KCNIP4: variants seen among roughly 807,000 people sequenced by gnomAD.
KCNIP4 encodes Kv channel-interacting protein 4.
In KCNIP4, 12 loss-of-function variants were observed where a neutral mutation model predicts 34.0. The observed-to-expected ratio is 0.35, with a 90% CI of 0.23 to 0.57. The LOEUF (loss-of-function observed/expected upper bound fraction) is 0.57, where lower values mean the gene tolerates loss of function less well. KCNIP4 is among the 20% of genes least tolerant of loss of function. The probability of loss-of-function intolerance (pLI) is 0.83; values close to 1 mark genes in which losing one functional copy is unlikely to be tolerated. For missense variants in KCNIP4, 238 were observed against 311.7 expected (o/e 0.76, Z 1.78); for synonymous variants, 124 against 102.2 (o/e 1.21, Z -1.29).
At chr4:21,743,854 G>A (rs957319947) in intron 1 of KCNIP4, among the ~76,000 whole-genome samples, 5 of 149,620 alleles carry the variant, frequency 3.3e-5, no homozygotes, top group African/African-American at 5.0e-5. Context: ...GAGAAATTAT[G>A]CTCTTCATCC....
intron 1 of KCNIP4, among the ~76,000 whole-genome samples, chr4:21,203,371 G>A (rs1756629351): frequency 6.6e-6 from 1 of 151,676 alleles, no homozygotes; most frequent in South Asian, 2.1e-4. Context: ...CAACAAATGA[G>A]ATCATTACAG....
intron 1 of KCNIP4, among the ~76,000 whole-genome samples, chr4:21,485,176 G>A (rs925236518): frequency 6.6e-6 from 1 of 152,206 alleles, no homozygotes; most frequent in African/African-American, 2.4e-5. Flanking sequence ...AAACATTATA[G>A]ATAAATACTG....
At chr4:21,636,422 A>T (rs1329952756) in intron 1 of KCNIP4, among the ~76,000 whole-genome samples, 1 of 152,206 alleles carries the variant, frequency 6.6e-6, no homozygotes, top group Non-Finnish European at 1.5e-5. Context: ...AAATCTTGAA[A>T]GAAATGACTT....
chr4:20,983,982 A>C (rs1409437101), intron 1 of KCNIP4: 4 of 1,526,444 alleles, frequency 2.6e-6, no homozygotes, highest in Non-Finnish European at 2.6e-6. Context: ...GAGGGAGTTA[A>C]TTACAGAATC....
chr4:21,326,501 A>T (rs1715073824), intron 1 of KCNIP4, among the ~76,000 whole-genome samples: 1 of 151,114 alleles, frequency 6.6e-6, no homozygotes. Flanking sequence ...TTTACAGGTG[A>T]AGTGTGTATC....
chr4:21,701,745 C>A (rs995522695), intron 1 of KCNIP4, among the ~76,000 whole-genome samples: 6 of 152,004 alleles, frequency 3.9e-5, no homozygotes, highest in African/African-American at 1.4e-4. Flanking sequence ...CACTCTGACA[C>A]CCTGGCTGAG....
chr4:20,782,388 TA>T (rs1756951606), intron 3 of KCNIP4, among the ~76,000 whole-genome samples: 1 of 152,216 alleles, frequency 6.6e-6, no homozygotes, highest in Non-Finnish European at 1.5e-5. Context: ...TGCACTGCCC[TA>T]GTAGATGTTC....
At chr4:21,070,162 T>C (rs756982573) in intron 1 of KCNIP4, among the ~76,000 whole-genome samples, 1 of 152,186 alleles carries the variant, frequency 6.6e-6, no homozygotes, top group Non-Finnish European at 1.5e-5. Context: ...GTTGTGTGTA[T>C]CAATAGTTTG....
Position 20,888,299 on chromosome 4 carries a change from A to C in KCNIP4, c.62-5590T>G, listed in dbSNP as rs142205571. On this transcript the variant is annotated intron_variant, in intron 1 of 8. Coordinates refer to ENST00000382152, the MANE Select transcript of KCNIP4 (RefSeq NM_025221.6). ...CATTACTGAATTCCCAGTATGTTGC[A>C]CAGTGCTTAGTATATAAAATGTTCA... Among the ~76,000 whole-genome samples the C allele has an allele frequency of 7.2e-3, 1,097 of 152,252 alleles. 10 individuals are homozygous for C. Among genetic ancestry groups the C allele is most frequent in the African/African-American group, 0.025 (1,038 of 41,562 alleles).
At chr4:21,544,041 T>C (rs966093485) in intron 1 of KCNIP4, among the ~76,000 whole-genome samples, 5 of 152,172 alleles carry the variant, frequency 3.3e-5, no homozygotes, top group Non-Finnish European at 7.4e-5. Context: ...TCTGCCTATA[T>C]AAGCAAGACC....
At chr4:21,512,338 A>G (rs933560694) in intron 1 of KCNIP4, among the ~76,000 whole-genome samples, 1 of 152,180 alleles carries the variant, frequency 6.6e-6, no homozygotes, top group African/African-American at 2.4e-5. Flanking sequence ...ATCCTATTGA[A>G]ATACTATTAC....
intron 1 of KCNIP4, among the ~76,000 whole-genome samples, chr4:20,963,768 A>G (rs1021949599): frequency 6.6e-6 from 1 of 152,126 alleles, no homozygotes; most frequent in Non-Finnish European, 1.5e-5. Context: ...TGGTGATTTC[A>G]GGGGAGGCGA....
At chr4:21,504,977 A>G (rs1733709254) in intron 1 of KCNIP4, among the ~76,000 whole-genome samples, 1 of 152,178 alleles carries the variant, frequency 6.6e-6, no homozygotes, top group Admixed American at 6.5e-5. Context: ...CACTATAGTA[A>G]CAAGTAATAA....
In KCNIP4 at chr4:20,741,127, C is replaced by CT. The variant is rs535180020; in HGVS notation, c.430-6393dup. ...ACTCCCACACAATAATAATGGGAGG[C>CT]TTTAACACCCCACTGTCAGCATTAC... On this transcript the variant is annotated intron_variant, in intron 5 of 8. Transcript: ENST00000382152. Among the ~76,000 whole-genome samples, 354 of 152,250 alleles carry CT rather than the reference C, an allele frequency of 2.3e-3. 8 individuals carry two copies. In the South Asian group the frequency reaches 0.046, roughly 20 times the overall value.
At chr4:21,303,410 T>C (rs1310583648) in intron 1 of KCNIP4, among the ~76,000 whole-genome samples, 2 of 152,210 alleles carry the variant, frequency 1.3e-5, no homozygotes, top group Non-Finnish European at 2.9e-5. Flanking sequence ...TGTATTTGCA[T>C]AGCAAGAAAT....
intron 1 of KCNIP4, among the ~76,000 whole-genome samples, chr4:21,030,916 G>T (rs950894738): frequency 6.6e-6 from 1 of 152,160 alleles, no homozygotes; most frequent in Non-Finnish European, 1.5e-5. Context: ...CACTCTGGAA[G>T]CCATGAAAGA....
chr4:21,239,874 G>T (rs1759671378), intron 1 of KCNIP4, among the ~76,000 whole-genome samples: 2 of 152,094 alleles, frequency 1.3e-5, no homozygotes, highest in Non-Finnish European at 2.9e-5. Context: ...CCATTACTGG[G>T]TATATACCCA....
At chr4:21,507,328 G>A (rs904746845) in intron 1 of KCNIP4, among the ~76,000 whole-genome samples, 15 of 150,944 alleles carry the variant, frequency 9.9e-5, no homozygotes, top group East Asian at 2.0e-4. Context: ...GTAGTGGCTC[G>A]ATCTTGGCTC....
intron 1 of KCNIP4, among the ~76,000 whole-genome samples, chr4:21,170,847 G>A (rs887839196): frequency 6.6e-6 from 1 of 152,100 alleles, no homozygotes; most frequent in Non-Finnish European, 1.5e-5. Context: ...AGATATGGAA[G>A]TTTGATTTGT....
Sources: allele counts gnomAD v4.1 joint callset (sites outside exome capture counted in the v4.1 genomes callset), GRCh38; gene constraint gnomAD v4.1.1; transcripts MANE v1.5; gene names NCBI Gene and HGNC (gene_info 2026-07-23, HGNC 2026-07-21).